Variants in ISM1 observed in about 807,000 individuals in gnomAD.
The protein encoded by ISM1 is isthmin 1.
ISM1 carries 25 observed loss-of-function variants against 46.3 expected under a neutral mutation model. That is an observed-to-expected ratio of 0.54 (90% CI 0.39 to 0.75). The LOEUF (loss-of-function observed/expected upper bound fraction) is 0.75. Ranked by LOEUF, ISM1 falls within the 30% of genes least tolerant of loss-of-function variation. The pLI is 0.00. For missense variants in ISM1, 536 were observed against 625.4 expected, an observed-to-expected ratio of 0.86 and a Z score of 1.52; for synonymous variants, 255 against 256.7, an observed-to-expected ratio of 0.99 and a Z score of 0.06.
intron 1 of ISM1, among the ~76,000 whole-genome samples, chr20:13,257,829 T>G (rs1170151112): frequency 5.9e-5 from 9 of 152,198 alleles, no homozygotes; most frequent in African/African-American, 2.2e-4. Context: ...CTCTGAGAAC[T>G]GTTATTCTGG....
the ISM1 span, among the ~76,000 whole-genome samples, chr20:13,321,253 T>TAAAAAAAAAAAAAAAAA: frequency 7.8e-3 from 451 of 57,480 alleles, 17 homozygotes; most frequent in Non-Finnish European, 0.011. Flanking sequence ...GTGCCCCACA[T>TAAAAAAAAAAAAAAAAA]AAAAAAAAAA....
In ISM1 at chr20:13,227,947, A is replaced by AGCT. The variant is rs1318682767; in HGVS notation, c.138+6042_138+6044dup. Among the ~76,000 whole-genome samples, 29 of 146,622 alleles carry AGCT rather than the reference A, an allele frequency of 2.0e-4. No individual in the cohort carries two copies. In the East Asian group the frequency reaches 5.8e-3, roughly 29 times the overall value. ...CTAAGATTTACTTATTTCTTTATCT[A>AGCT]GCTGCTGCTGCCTTTTTTTTTTTTT... On this transcript the variant is annotated intron_variant, in intron 1 of 5. Transcript: ENST00000262487.
chr20:13,320,447 C>T, the ISM1 span, among the ~76,000 whole-genome samples: 4 of 152,156 alleles, frequency 2.6e-5, no homozygotes, highest in East Asian at 3.9e-4. Flanking sequence ...ACAAGAGAAC[C>T]GAACTCTGGT....
Position 13,299,679 on chromosome 20 carries a change from C to T in ISM1, c.*220C>T, listed in dbSNP as rs1187722306. 5 of 482,888 alleles carry T rather than the reference C, an allele frequency of 1.0e-5. No individual in the cohort carries two copies. In the Admixed American group the frequency reaches 1.8e-4, roughly 17 times the overall value. 29.9% of individuals were successfully genotyped at this position (482,888 alleles called of 1,614,324 possible). A position where few individuals can be genotyped will look rare whatever the true frequency, so the allele number is the denominator to read the frequency against. On this transcript the variant is annotated 3_prime_UTR_variant, in exon 6 of 6. Transcript: ENST00000262487. This position sits in a 1 kb window ranked among gnomAD's most constrained non-coding sequence, Gnocchi z 5.8. ...ATCTGCAGAGCTCCTTGAAAGTGCC[C>T]CTGGGGAGCGATGTGGGCAGAAGGA...
intron 4 of ISM1, among the ~76,000 whole-genome samples, chr20:13,291,266 T>C (rs1429198205): frequency 6.6e-6 from 1 of 152,216 alleles, no homozygotes; most frequent in African/African-American, 2.4e-5. Context: ...TTCCTGGCTA[T>C]TGCAGCTTTT....
the ISM1 span, among the ~76,000 whole-genome samples, chr20:13,326,387 T>C: frequency 6.6e-6 from 1 of 152,210 alleles, no homozygotes; most frequent in African/African-American, 2.4e-5. Context: ...GATTTAAGTA[T>C]ATGTATATAT....
chr20:13,227,275 C>T (rs2039536158), intron 1 of ISM1, among the ~76,000 whole-genome samples: 1 of 152,032 alleles, frequency 6.6e-6, no homozygotes, highest in African/African-American at 2.4e-5. Flanking sequence ...GCTATCTTGG[C>T]TCACTGCAAG....
chr20:13,252,317 CCTT>C (rs1432514074), intron 1 of ISM1, among the ~76,000 whole-genome samples: 3 of 152,164 alleles, frequency 2.0e-5, no homozygotes, highest in Non-Finnish European at 4.4e-5. Context: ...ATTAGATTGT[CCTT>C]CTTCACCTTC....
intron 1 of ISM1, among the ~76,000 whole-genome samples, chr20:13,256,063 T>C (rs2039925828): frequency 6.6e-6 from 1 of 152,018 alleles, no homozygotes; most frequent in African/African-American, 2.4e-5. Flanking sequence ...TTCGAAACCC[T>C]GTGTCCTGGG....
At chr20:13,298,764 G>A (rs6078980) in intron 5 of ISM1, among the ~76,000 whole-genome samples, 178 bp from the exon 6 acceptor site, 3 of 151,934 alleles carry the variant, frequency 2.0e-5, no homozygotes, top group Non-Finnish European at 4.4e-5. Context: ...TTCTGATGGT[G>A]CCAGGGGGCT....
chr20:13,292,241 C>G, intron 4 of ISM1, 133 bp from the exon 5 acceptor site: 1 of 622,390 alleles, frequency 1.6e-6, no homozygotes. Context: ...CCTCTGTTGG[C>G]AAGTTTCTGC....
At chr20:13,314,754 A>G in the ISM1 span, among the ~76,000 whole-genome samples, 2 of 152,262 alleles carry the variant, frequency 1.3e-5, no homozygotes, top group African/African-American at 2.4e-5. Context: ...TTCTTGATTG[A>G]TCTAACAGAT....
the ISM1 span, among the ~76,000 whole-genome samples, chr20:13,309,472 A>G: frequency 2.6e-4 from 39 of 152,296 alleles, no homozygotes; most frequent in Admixed American, 5.2e-4. Flanking sequence ...CATCATACTC[A>G]TCAGTGAAAA....
At position 13,299,322 on chromosome 20, in the gene ISM1, G is replaced by T. The variant is rs777768833; in HGVS notation, c.1258G>T (p.Val420Phe). ...CGCGGAGCTCCACTACAAGGTGGAC[G>T]TCCTGCCCTGGATTATCTGCAAGGG... The part of the protein sequence containing the change: ...FSAELHYKVD[V>F]LPWIICKGDW... Residue 420 changes from valine (V) to phenylalanine (F), a missense_variant, in exon 6 of 6, where the codon GTC becomes TTC. Around this residue, in one of 2 missense-constraint regions of ISM1, gnomAD observed 169 missense variants for 249.3 expected, o/e 0.68. Coordinates refer to ENST00000262487, the MANE Select transcript of ISM1 (RefSeq NM_080826.2). This position sits in a 1 kb window ranked among gnomAD's most constrained non-coding sequence, Gnocchi z 5.8. The T allele has an allele frequency of 1.2e-6, 2 of 1,613,784 alleles. No homozygotes were observed. The highest frequency in any genetic ancestry group is 1.7e-6 in the Non-Finnish European group (2 of 1,179,854).
At chr20:13,281,886 T>A (rs2040242241) in intron 3 of ISM1, among the ~76,000 whole-genome samples, 1 of 152,178 alleles carries the variant, frequency 6.6e-6, no homozygotes, top group Non-Finnish European at 1.5e-5. Flanking sequence ...AGTTGCATGT[T>A]TAAAAATGCC....
the ISM1 span, among the ~76,000 whole-genome samples, chr20:13,311,243 T>TA: frequency 0.12 from 15,035 of 127,514 alleles, 1,231 homozygotes; most frequent in African/African-American, 0.25. Flanking sequence ...GATAGATAGA[T>TA]GATAGATAGA....
intron 3 of ISM1, among the ~76,000 whole-genome samples, chr20:13,280,497 A>G (rs2040228099): frequency 6.6e-6 from 1 of 151,970 alleles, no homozygotes; most frequent in Non-Finnish European, 1.5e-5. Context: ...AGTGAGTTAA[A>G]ATAATAAAAG....
At chr20:13,281,976 G>A (rs1056492681) in intron 3 of ISM1, among the ~76,000 whole-genome samples, 3 of 152,138 alleles carry the variant, frequency 2.0e-5, no homozygotes, top group African/African-American at 4.8e-5. Flanking sequence ...CTAGCATCAC[G>A]TGGAAATGCA....
chr20:13,236,389 T>A (rs1281742822), intron 1 of ISM1, among the ~76,000 whole-genome samples: 1 of 152,170 alleles, frequency 6.6e-6, no homozygotes, highest in African/African-American at 2.4e-5. Context: ...TCCACCTGGG[T>A]CCTTCCCACA....
Sources: gnomAD v4.1 joint callset for allele counts (sites outside exome capture counted in the v4.1 genomes callset) on GRCh38, gnomAD v4.1.1 for gene constraint, gnomAD v4.1.1 regional missense constraint, Gnocchi (gnomAD v3.1) non-coding constraint, MANE v1.5 for transcripts, NCBI Gene and HGNC (gene_info 2026-07-23, HGNC 2026-07-21) for gene names.